The following SLIT3 variants were observed in gnomAD, a reference collection of about 807,000 sequenced individuals.
SLIT3 encodes slit guidance ligand 3, also known as slit homolog 3 protein.
SLIT3 carries 68 observed loss-of-function variants against 184.0 expected under a neutral mutation model. The ratio of observed to expected loss-of-function variants is 0.37; its 90% confidence interval spans 0.30 to 0.45. The LOEUF (loss-of-function observed/expected upper bound fraction) is 0.45. Ranked by LOEUF, SLIT3 falls within the 20% of genes least tolerant of loss-of-function variation. The probability of loss-of-function intolerance (pLI) is 1.00; values close to 1 mark genes in which losing one functional copy is unlikely to be tolerated. For missense variants in SLIT3, 1,707 were observed against 2,026.0 expected, an observed-to-expected ratio of 0.84 and a Z score of 3.02; for synonymous variants, 831 against 828.6, an observed-to-expected ratio of 1.00 and a Z score of -0.05.
rs1447191194 is a variant in SLIT3 at position 168,823,112 on chromosome 5, C to T, written c.629+148G>A. 4 of 735,504 alleles carry T rather than the reference C, an allele frequency of 5.4e-6. No homozygotes were observed. In the East Asian group the frequency reaches 7.6e-5, roughly 14 times the overall value. The allele number at this position is 735,504 out of a possible 1,614,324, so 45.6% of individuals were successfully genotyped here. On this transcript the variant is annotated intron_variant, in intron 7 of 35. Coordinates refer to ENST00000519560, the MANE Select transcript of SLIT3 (RefSeq NM_003062.4). ...ACATCTACCCTCACTCGCCAAGGCA[C>T]CCCTTGGTTAATAGCAGAAGGAGGA...
intron 5 of SLIT3, among the ~76,000 whole-genome samples, chr5:168,864,801 G>A (rs537899550): frequency 6.6e-6 from 1 of 152,270 alleles, no homozygotes; most frequent in East Asian, 1.9e-4. Context: ...TAAGACAATG[G>A]GATAGAGGAC....
In SLIT3 at chr5:168,842,607, T is replaced by G. The variant is rs1396389452; in HGVS notation, c.557+1977A>C. 2.0e-5 allele frequency among the ~76,000 whole-genome samples: 3 copies of G among 152,016 alleles called. No homozygotes were observed. The East Asian group carries it at 5.8e-4, about 29-fold the overall frequency. ...ATGGCAGTTATGAGAGCCCCTCCTATGTAGTACATACACTGTCTGTTTTTA... is the reference window on the plus strand; with the variant it reads ...ATGGCAGTTATGAGAGCCCCTCCTAGGTAGTACATACACTGTCTGTTTTTA... On this transcript the variant is annotated intron_variant, in intron 6 of 35. Transcript: ENST00000519560.
At chr5:169,166,792 T>C (rs1762650547) in intron 4 of SLIT3, among the ~76,000 whole-genome samples, 2 of 152,302 alleles carry the variant, frequency 1.3e-5, no homozygotes, top group East Asian at 3.9e-4. Context: ...GATAGGTTTG[T>C]GTATGATCCC....
intron 1 of SLIT3, among the ~76,000 whole-genome samples, chr5:169,289,403 C>A (rs898117742): frequency 3.3e-5 from 5 of 152,264 alleles, no homozygotes; most frequent in Non-Finnish European, 5.9e-5. Flanking sequence ...GAGATCATCA[C>A]TGCTGCGCTT....
At chr5:168,834,842 G>A (rs1206262102) in intron 6 of SLIT3, among the ~76,000 whole-genome samples, 7 of 152,094 alleles carry the variant, frequency 4.6e-5, no homozygotes, top group African/African-American at 1.2e-4. Flanking sequence ...GAGCAGGACA[G>A]GGAAGCAGAC....
chr5:168,722,552 G>C (rs1201678548), intron 22 of SLIT3, among the ~76,000 whole-genome samples: 1 of 152,206 alleles, frequency 6.6e-6, no homozygotes, highest in African/African-American at 2.4e-5. Context: ...TTTCTAACCA[G>C]CTTGTTCGTC....
intron 4 of SLIT3, among the ~76,000 whole-genome samples, chr5:169,124,504 C>T (rs1009731728): frequency 3.3e-5 from 5 of 152,132 alleles, no homozygotes; most frequent in African/African-American, 7.2e-5. Context: ...GGATTGATTC[C>T]AGATACCACT....
At chr5:168,790,274 A>T (rs1756317840) in intron 10 of SLIT3, 1 of 152,382 alleles carries the variant, frequency 6.6e-6, no homozygotes, top group Non-Finnish European at 1.5e-5. Context: ...TGTGTTCCTC[A>T]TCTGGGAGCA....
chr5:168,860,084 C>G (rs533897871), intron 5 of SLIT3, among the ~76,000 whole-genome samples: 4 of 152,142 alleles, frequency 2.6e-5, no homozygotes, highest in Non-Finnish European at 5.9e-5. Context: ...GAGATTCCAG[C>G]CCTCTGGGTG....
At chr5:169,178,289 A>G (rs56226609) in intron 4 of SLIT3, among the ~76,000 whole-genome samples, 4,623 of 152,324 alleles carry the variant, frequency 0.03, 93 homozygotes, top group South Asian at 0.096. Flanking sequence ...GGCTGTGCCC[A>G]CAGCAACAAA....
At chr5:168,763,587 C>T (rs1249537564) in intron 14 of SLIT3, among the ~76,000 whole-genome samples, 1 of 152,084 alleles carries the variant, frequency 6.6e-6, no homozygotes, top group Non-Finnish European at 1.5e-5. Flanking sequence ...CGAAGTTGCA[C>T]AGTAATGGTA....
At chr5:169,074,865 C>G (rs961552914) in intron 4 of SLIT3, among the ~76,000 whole-genome samples, 1 of 152,134 alleles carries the variant, frequency 6.6e-6, no homozygotes, top group Non-Finnish European at 1.5e-5. Context: ...TCCTGTGGCT[C>G]CAGAGCCACC....
At chr5:169,254,676 C>G (rs965520673) in intron 1 of SLIT3, among the ~76,000 whole-genome samples, 6 of 152,106 alleles carry the variant, frequency 3.9e-5, no homozygotes, top group Admixed American at 3.3e-4. Flanking sequence ...TGTACTGCAG[C>G]CTTGAGCTGC....
At chr5:168,923,042 T>C (rs1241734397) in intron 4 of SLIT3, among the ~76,000 whole-genome samples, 1 of 152,186 alleles carries the variant, frequency 6.6e-6, no homozygotes, top group African/African-American at 2.4e-5. Context: ...TACCAGATCA[T>C]GTGCTTGACT....
intron 20 of SLIT3, among the ~76,000 whole-genome samples, chr5:168,736,512 T>C (rs1265739393): frequency 1.3e-5 from 2 of 152,060 alleles, no homozygotes; most frequent in African/African-American, 2.4e-5. Context: ...CTGGGGAGCA[T>C]GGGGGATATG....
chr5:168,914,270 A>C (rs1293028819), intron 4 of SLIT3, among the ~76,000 whole-genome samples: 1 of 152,202 alleles, frequency 6.6e-6, no homozygotes, highest in African/African-American at 2.4e-5. Flanking sequence ...ATTAGGTTGC[A>C]CTAATCTTAT....
intron 1 of SLIT3, among the ~76,000 whole-genome samples, chr5:169,291,761 T>C (rs2113661167): frequency 6.6e-6 from 1 of 152,342 alleles, no homozygotes; most frequent in African/African-American, 2.4e-5. Flanking sequence ...GGAGGCTGAC[T>C]TGAAAGATTC....
intron 12 of SLIT3, among the ~76,000 whole-genome samples, chr5:168,779,106 C>T (rs1023946917): frequency 2.6e-5 from 4 of 152,248 alleles, no homozygotes; most frequent in Admixed American, 1.3e-4. Flanking sequence ...CAGGTACTCC[C>T]ATTTAATCTC....
intron 4 of SLIT3, among the ~76,000 whole-genome samples, chr5:168,927,374 G>C (rs1446520938): frequency 2.0e-5 from 3 of 152,160 alleles, no homozygotes; most frequent in Non-Finnish European, 2.9e-5. Flanking sequence ...GGAGGGGATA[G>C]GGAGTTTTTG....
Sources: gnomAD v4.1 joint callset for allele counts (sites outside exome capture counted in the v4.1 genomes callset) on GRCh38, gnomAD v4.1.1 for gene constraint, MANE v1.5 for transcripts, NCBI Gene and HGNC (gene_info 2026-07-23, HGNC 2026-07-21) for gene names.